Variants in STIM2 observed in about 807,000 individuals in gnomAD.
STIM2 encodes the protein stromal interaction molecule 2.
STIM2 carries 31 observed loss-of-function variants against 85.8 expected under a neutral mutation model. The observed-to-expected ratio is 0.36, with a 90% CI of 0.27 to 0.49. STIM2 has a LOEUF of 0.49. Among genes scored for constraint, STIM2 ranks in the 20% least tolerant of loss-of-function variants. The pLI is 0.98. For synonymous variants in STIM2, 356 were observed against 331.1 expected, an observed-to-expected ratio of 1.08 and a Z score of -0.82; for missense variants, 841 against 927.6, an observed-to-expected ratio of 0.91 and a Z score of 1.21.
chr4:26,911,018 C>T (rs1724313960), intron 1 of STIM2, among the ~76,000 whole-genome samples: 1 of 152,102 alleles, frequency 6.6e-6, no homozygotes, highest in Admixed American at 6.6e-5. Context: ...GGGCAGATCA[C>T]CTGAGGTCAG....
rs977930129 is a variant in STIM2 at position 27,024,116 on chromosome 4, T to A, written c.*1120T>A. On this transcript the variant is annotated 3_prime_UTR_variant, in exon 12 of 12. Transcript: ENST00000467087. ...AAATTTCTATTTTATATTGTTATAT[T>A]TTTATGTAGTTTGAAATGTAAAAAT... The A allele has an allele frequency of 1.3e-5, 2 of 152,444 alleles. No individual in the cohort carries two copies. The highest frequency in any genetic ancestry group is 4.8e-5 in the African/African-American group (2 of 41,452). The allele number at this position is 152,444 out of a possible 1,614,324, so 9.4% of individuals were successfully genotyped here.
intron 7 of STIM2, among the ~76,000 whole-genome samples, chr4:27,006,263 G>T (rs146705018): frequency 6.6e-6 from 1 of 152,060 alleles, no homozygotes; most frequent in African/African-American, 2.4e-5. Flanking sequence ...ATTTTTCTAC[G>T]TAATTCTTTG....
At chr4:26,962,276 T>C (rs1726503317) in intron 3 of STIM2, among the ~76,000 whole-genome samples, 1 of 152,210 alleles carries the variant, frequency 6.6e-6, no homozygotes, top group African/African-American at 2.4e-5. Flanking sequence ...CAACACCTGT[T>C]AGGCGCTTAG....
At chr4:27,009,319 CT>C (rs1238390570) in intron 10 of STIM2, among the ~76,000 whole-genome samples, 1 of 151,910 alleles carries the variant, frequency 6.6e-6, no homozygotes, top group Non-Finnish European at 1.5e-5. Flanking sequence ...GAATATAAGA[CT>C]TTTTTTAAAA....
rs182214772 is a variant in STIM2 at position 26,860,951 on chromosome 4, G to C, written c.-268G>C. The stretch of plus-strand genomic sequence containing the variant: ...TTTTTTTTTTTTTTTTTAAATAACC[G>C]GAACCAATGAACGCAGCCGGGATCA... On this transcript the variant is annotated 5_prime_UTR_variant, in exon 1 of 12. Coordinates refer to ENST00000467087, the MANE Select transcript of STIM2 (RefSeq NM_020860.4). The C allele has an allele frequency of 1.2e-3, 1,397 of 1,206,704 alleles. 16 individuals carry two copies. The African/African-American group carries it at 0.022, about 19-fold the overall frequency. 74.7% of individuals were successfully genotyped at this position (1,206,704 alleles called of 1,614,324 possible).
At chr4:26,994,359 T>C (rs1367886063) in intron 3 of STIM2, among the ~76,000 whole-genome samples, 1 of 152,088 alleles carries the variant, frequency 6.6e-6, no homozygotes, top group African/African-American at 2.4e-5. Context: ...TTTGTTTAGC[T>C]ACCAGCCCCT....
intron 1 of STIM2, among the ~76,000 whole-genome samples, chr4:26,877,799 T>A (rs1288379689): frequency 6.6e-6 from 1 of 152,208 alleles, no homozygotes; most frequent in Non-Finnish European, 1.5e-5. Context: ...CCAAAACTCC[T>A]GTTGAAATTT....
At chr4:26,964,568 C>G (rs1420039044) in intron 3 of STIM2, among the ~76,000 whole-genome samples, 1 of 152,088 alleles carries the variant, frequency 6.6e-6, no homozygotes, top group African/African-American at 2.4e-5. Context: ...AACTTTTCCC[C>G]TGTGTTTAGA....
intron 3 of STIM2, among the ~76,000 whole-genome samples, chr4:26,982,488 C>T (rs1003593766): frequency 5.3e-5 from 8 of 151,950 alleles, no homozygotes; most frequent in Non-Finnish European, 1.2e-4. Context: ...CCTTCTGTAT[C>T]CTCTTTTAAG....
chr4:27,011,658 G>A (rs1728561141), intron 10 of STIM2, among the ~76,000 whole-genome samples: 2 of 152,168 alleles, frequency 1.3e-5, no homozygotes, highest in Non-Finnish European at 2.9e-5. Context: ...GAATGCGTAT[G>A]AAATGATACC....
At chr4:26,967,548 C>G (rs1389212756) in intron 3 of STIM2, among the ~76,000 whole-genome samples, 1 of 152,104 alleles carries the variant, frequency 6.6e-6, no homozygotes, top group Admixed American at 6.5e-5. Flanking sequence ...GCCAAGAGTC[C>G]TCCTGAATAA....
chr4:26,975,399 T>C (rs1257202718), intron 3 of STIM2, among the ~76,000 whole-genome samples: 2 of 152,218 alleles, frequency 1.3e-5, no homozygotes, highest in Non-Finnish European at 2.9e-5. Context: ...TGGTCTTTGA[T>C]GTTCGTGACC....
At chr4:26,951,241 A>G (rs1396615143) in intron 2 of STIM2, among the ~76,000 whole-genome samples, 3 of 152,152 alleles carry the variant, frequency 2.0e-5, no homozygotes, top group African/African-American at 7.2e-5. Flanking sequence ...ATTCTTGGTT[A>G]AAGGTAATGA....
chr4:26,873,712 T>G (rs1307460287), intron 1 of STIM2: 1 of 847,832 alleles, frequency 1.2e-6, no homozygotes, highest in African/African-American at 1.7e-5. Flanking sequence ...TTGGGACAGC[T>G]TCTGGAGATG....
At chr4:26,911,950 G>A (rs1343834258) in intron 1 of STIM2, among the ~76,000 whole-genome samples, 1 of 152,138 alleles carries the variant, frequency 6.6e-6, no homozygotes, top group Non-Finnish European at 1.5e-5. Context: ...AAAAGACTTT[G>A]CCCTAGAGAG....
rs189521421 is a variant in STIM2 at position 26,934,439 on chromosome 4, G to C, written c.282+14805G>C. ...ACAATTGTGAGAATTTCTCAAGAAA[G>C]CAAGTTCTAGAGACACTTGCTAATG... is the stretch of plus-strand genomic sequence containing the variant. On this transcript the variant is annotated intron_variant, in intron 2 of 11. Transcript: ENST00000467087. Among the ~76,000 whole-genome samples, 21 of 152,256 alleles carry C rather than the reference G, an allele frequency of 1.4e-4. No homozygotes were observed. The East Asian group carries it at 2.9e-3, about 21-fold the overall frequency.
At chr4:26,933,719 A>G (rs1350977168) in intron 2 of STIM2, among the ~76,000 whole-genome samples, 1 of 144,710 alleles carries the variant, frequency 6.9e-6, no homozygotes, top group African/African-American at 2.6e-5. Context: ...GGGCAGTATA[A>G]CGAGACCTGA....
At chr4:26,950,715 A>G (rs1005466379) in intron 2 of STIM2, among the ~76,000 whole-genome samples, 1 of 152,192 alleles carries the variant, frequency 6.6e-6, no homozygotes, top group Non-Finnish European at 1.5e-5. Flanking sequence ...TTATTCTGTT[A>G]TAGCAGCACA....
At chr4:26,963,011 T>C (rs1158833085) in intron 3 of STIM2, among the ~76,000 whole-genome samples, 2 of 152,154 alleles carry the variant, frequency 1.3e-5, no homozygotes, top group Non-Finnish European at 2.9e-5. Flanking sequence ...AAATTTAAGA[T>C]AATGTTTATT....
Sources: allele counts gnomAD v4.1 joint callset (sites outside exome capture counted in the v4.1 genomes callset), GRCh38; gene constraint gnomAD v4.1.1; transcripts MANE v1.5; gene names NCBI Gene and HGNC (gene_info 2026-07-23, HGNC 2026-07-21).